Variants in LRRTM4 observed in about 807,000 individuals in gnomAD.
The protein encoded by LRRTM4 is leucine rich repeat transmembrane neuronal 4.
Under a neutral mutation model 47.6 loss-of-function variants are expected in LRRTM4, and 25 were observed. The ratio of observed to expected loss-of-function variants is 0.53; its 90% CI spans 0.38 to 0.73. The LOEUF (loss-of-function observed/expected upper bound fraction) is 0.73, where lower values mean the gene tolerates loss of function less well. Ranked by LOEUF, LRRTM4 falls within the 30% of genes least tolerant of loss-of-function variation. The pLI, the probability that LRRTM4 is intolerant of heterozygous loss-of-function variation, is 0.00. For synonymous variants in LRRTM4, 311 were observed against 269.5 expected (o/e 1.15, Z -1.51); for missense variants, 638 against 713.4 (o/e 0.89, Z 1.20).
chr2:77,300,871 C>A (rs1209637683), intron 3 of LRRTM4, among the ~76,000 whole-genome samples: 1 of 152,000 alleles, frequency 6.6e-6, no homozygotes, highest in Non-Finnish European at 1.5e-5. Context: ...CCAATACATA[C>A]TAAGTAAAAG....
chr2:77,330,849 T>C (rs1670947938), intron 3 of LRRTM4, among the ~76,000 whole-genome samples: 1 of 152,156 alleles, frequency 6.6e-6, no homozygotes. Flanking sequence ...AATCATGAAA[T>C]TGTTTTCATA....
intron 3 of LRRTM4, among the ~76,000 whole-genome samples, chr2:76,886,114 G>A (rs1314341325): frequency 2.0e-5 from 3 of 152,036 alleles, no homozygotes; most frequent in South Asian, 4.1e-4. Flanking sequence ...GAAAATCAAA[G>A]CAAGGTAAAG....
At chr2:76,801,602 C>T (rs530162570) in intron 3 of LRRTM4, among the ~76,000 whole-genome samples, 1 of 151,666 alleles carries the variant, frequency 6.6e-6, no homozygotes. Flanking sequence ...CAGCATGGCA[C>T]ATATATACAT....
At position 76,795,255 on chromosome 2, in the gene LRRTM4, T is replaced by TTCA. The variant is rs1558658099; in HGVS notation, c.1552-46340_1552-46339insTGA. On this transcript the variant is annotated intron_variant, in intron 3 of 3. Coordinates refer to ENST00000409884, the MANE Select transcript of LRRTM4 (RefSeq NM_001134745.3). Reference sequence around the variant, plus strand: ...TGTGTTTTGTACTTTAAAAATCATTTTTAATTGACAAATACAAATTTCATA... The same window carrying TTCA: ...TGTGTTTTGTACTTTAAAAATCATTTTCATTAATTGACAAATACAAATTTCATA... 3.4e-5 allele frequency among the ~76,000 whole-genome samples: 5 copies of TTCA among 146,808 alleles called. No individual in the cohort carries two copies. In the East Asian group the frequency reaches 6.4e-4, roughly 19 times the overall value.
intron 3 of LRRTM4, among the ~76,000 whole-genome samples, chr2:77,092,179 C>T (rs1304398423): frequency 6.6e-6 from 1 of 152,158 alleles, no homozygotes; most frequent in Non-Finnish European, 1.5e-5. Flanking sequence ...GCTGTACTCA[C>T]TCTTTGTTAA....
intron 3 of LRRTM4, among the ~76,000 whole-genome samples, chr2:77,478,836 C>G (rs1297756323): frequency 6.6e-6 from 1 of 152,194 alleles, no homozygotes; most frequent in Non-Finnish European, 1.5e-5. Context: ...AAACAAAGTG[C>G]TCATCTTGAT....
intron 3 of LRRTM4, among the ~76,000 whole-genome samples, chr2:76,858,086 T>C (rs1156398793): frequency 6.6e-6 from 1 of 152,134 alleles, no homozygotes; most frequent in East Asian, 1.9e-4. Flanking sequence ...AATAGATATC[T>C]ATAATGGTTA....
chr2:77,271,754 C>G (rs1676203048), intron 3 of LRRTM4, among the ~76,000 whole-genome samples: 1 of 152,138 alleles, frequency 6.6e-6, no homozygotes, highest in South Asian at 2.1e-4. Flanking sequence ...TTTTAGTTAC[C>G]ACTTACTTTC....
intron 3 of LRRTM4, among the ~76,000 whole-genome samples, chr2:77,115,944 ATCT>A (rs1558587892): frequency 2.0e-5 from 3 of 152,012 alleles, no homozygotes; most frequent in South Asian, 2.1e-4. Context: ...TTCCAACCAG[ATCT>A]TCTTCAGTGT....
rs183664160 is a variant in LRRTM4 at position 77,320,158 on chromosome 2, G to T, written c.1551+198160C>A. On this transcript the variant is annotated intron_variant, in intron 3 of 3. Coordinates refer to ENST00000409884, the MANE Select transcript of LRRTM4 (RefSeq NM_001134745.3). Reference sequence around the variant, plus strand: ...TCTGCCCTCCCTTTTCCTTACTAATGTCAGCTCTGCCAAATCCATTCATAC... The same window carrying T: ...TCTGCCCTCCCTTTTCCTTACTAATTTCAGCTCTGCCAAATCCATTCATAC... 2.2e-4 allele frequency among the ~76,000 whole-genome samples: 33 copies of T among 151,988 alleles called. No individual in the cohort carries two copies. In the East Asian group the frequency reaches 6.2e-3, roughly 29 times the overall value.
At chr2:77,004,563 C>T (rs1037856190) in intron 3 of LRRTM4, among the ~76,000 whole-genome samples, 10 of 152,160 alleles carry the variant, frequency 6.6e-5, no homozygotes, top group South Asian at 6.2e-4. Context: ...TCATGGAGAA[C>T]CTCTGCTAGA....
chr2:76,767,294 T>C (rs1346494439), intron 3 of LRRTM4, among the ~76,000 whole-genome samples: 1 of 152,262 alleles, frequency 6.6e-6, no homozygotes, highest in Non-Finnish European at 1.5e-5. Context: ...GACAAACTTC[T>C]TTCATCTGTA....
chr2:77,123,416 T>A (rs1268738678), intron 3 of LRRTM4, among the ~76,000 whole-genome samples: 3 of 152,100 alleles, frequency 2.0e-5, no homozygotes, highest in Non-Finnish European at 1.5e-5. Flanking sequence ...AACTGAACTA[T>A]GTAGAAAACT....
At chr2:76,990,470 T>C (rs1175550135) in intron 3 of LRRTM4, among the ~76,000 whole-genome samples, 1 of 151,600 alleles carries the variant, frequency 6.6e-6, no homozygotes, top group Non-Finnish European at 1.5e-5. Context: ...GTCAGGCAGA[T>C]GGAAAACAAG....
At chr2:77,386,729 T>G (rs2103805006) in intron 3 of LRRTM4, among the ~76,000 whole-genome samples, 1 of 151,794 alleles carries the variant, frequency 6.6e-6, no homozygotes, top group South Asian at 2.1e-4. Flanking sequence ...TAAGTGGGAG[T>G]TGAACAGTGA....
intron 3 of LRRTM4, among the ~76,000 whole-genome samples, chr2:76,903,569 AAAC>A (rs1219450839): frequency 3.9e-5 from 6 of 152,072 alleles, no homozygotes; most frequent in African/African-American, 1.2e-4. Context: ...AGAACAAACA[AAAC>A]AACAACAACA....
chr2:77,187,161 T>A (rs996725670), intron 3 of LRRTM4, among the ~76,000 whole-genome samples: 3 of 152,124 alleles, frequency 2.0e-5, no homozygotes, highest in African/African-American at 4.8e-5. Flanking sequence ...CTGTAGCCAA[T>A]GTCTGGATGT....
chr2:77,053,289 T>C (rs1251543378), intron 3 of LRRTM4, among the ~76,000 whole-genome samples: 1 of 152,154 alleles, frequency 6.6e-6, no homozygotes, highest in Non-Finnish European at 1.5e-5. Flanking sequence ...TATTCATACT[T>C]TTAAATACTA....
intron 3 of LRRTM4, among the ~76,000 whole-genome samples, chr2:76,796,489 C>T (rs1675333244): frequency 7.5e-6 from 1 of 132,686 alleles, no homozygotes; most frequent in South Asian, 2.6e-4. Flanking sequence ...CAGACTGCCT[C>T]CTCAAGTGGG....
Sources: allele counts gnomAD v4.1 joint callset (sites outside exome capture counted in the v4.1 genomes callset), GRCh38; gene constraint gnomAD v4.1.1; transcripts MANE v1.5; gene names NCBI Gene and HGNC (gene_info 2026-07-23, HGNC 2026-07-21).